The following CSMD1 variants were observed in gnomAD, a reference collection of about 807,000 sequenced individuals.
The protein encoded by CSMD1 is CUB and Sushi multiple domains 1.
Under a neutral mutation model 417.5 loss-of-function variants are expected in CSMD1, and 213 were observed. The ratio of observed to expected loss-of-function variants is 0.51; its 90% CI spans 0.46 to 0.57. CSMD1 has a LOEUF of 0.57. CSMD1 is among the 20% of genes least tolerant of loss of function. CSMD1 has a pLI of 0.00. For missense variants in CSMD1, 6,923 were observed against 4,529.7 expected (o/e 1.53, Z -15.17); for synonymous variants, 2,862 against 1,736.8 (o/e 1.65, Z -16.11).
intron 28 of CSMD1, among the ~76,000 whole-genome samples, chr8:3,223,069 A>G (rs1798307833): frequency 6.6e-6 from 1 of 152,246 alleles, no homozygotes; most frequent in Non-Finnish European, 1.5e-5. Flanking sequence ...TTCAAAAGTC[A>G]AAGTCTAAAG....
intron 8 of CSMD1, among the ~76,000 whole-genome samples, chr8:3,594,437 G>C (rs1365929098): frequency 6.6e-6 from 1 of 151,890 alleles, no homozygotes; most frequent in Non-Finnish European, 1.5e-5. Flanking sequence ...ATGAGTATAT[G>C]TGTTATGGAT....
At chr8:4,435,084 G>C (rs1318496282) in intron 2 of CSMD1, among the ~76,000 whole-genome samples, 1 of 151,984 alleles carries the variant, frequency 6.6e-6, no homozygotes, top group Non-Finnish European at 1.5e-5. Context: ...TAATAAAAAT[G>C]GAAGCCATTA....
At chr8:3,190,967 G>T (rs758151101) in intron 33 of CSMD1, among the ~76,000 whole-genome samples, 7 of 152,176 alleles carry the variant, frequency 4.6e-5, no homozygotes, top group Non-Finnish European at 1.0e-4. Flanking sequence ...GGGGGCTGGG[G>T]AACAGGAAAA....
chr8:4,104,374 C>T (rs375606170), intron 3 of CSMD1, among the ~76,000 whole-genome samples: 1 of 152,194 alleles, frequency 6.6e-6, no homozygotes, highest in African/African-American at 2.4e-5. Context: ...AAAAAATGCA[C>T]AGGGCAGTAC....
intron 1 of CSMD1, among the ~76,000 whole-genome samples, chr8:4,674,565 G>A (rs1044450656): frequency 6.6e-6 from 1 of 152,096 alleles, no homozygotes; most frequent in Non-Finnish European, 1.5e-5. Flanking sequence ...GAACAAAGAT[G>A]TACCACTAAC....
chr8:3,208,326 G>C lies in CSMD1; in HGVS notation c.4868-2706C>G, dbSNP rs563099924. Among the ~76,000 whole-genome samples the C allele has an allele frequency of 3.2e-4, 48 of 152,252 alleles. 1 individual carries two copies. In the South Asian group the frequency reaches 5.4e-3, roughly 17 times the overall value. ...TCTGTCACCAGGCTGGAGTGCAGTG[G>C]TGTGATGTCAGCTCACTGCAACCTC... On this transcript the variant is annotated intron_variant, in intron 30 of 69. Transcript: ENST00000635120.
At chr8:3,632,496 C>A (rs1248323549) in intron 7 of CSMD1, among the ~76,000 whole-genome samples, 1 of 152,038 alleles carries the variant, frequency 6.6e-6, no homozygotes, top group Non-Finnish European at 1.5e-5. Flanking sequence ...ATGATAAAAC[C>A]TTAGATTGTG....
At chr8:4,692,252 G>T (rs1171695031) in intron 1 of CSMD1, among the ~76,000 whole-genome samples, 1 of 152,034 alleles carries the variant, frequency 6.6e-6, no homozygotes, top group Admixed American at 6.6e-5. Flanking sequence ...ACTCCCAACA[G>T]TCAAGTCTTA....
At chr8:3,477,356 G>A (rs770540832) in intron 11 of CSMD1, among the ~76,000 whole-genome samples, 1 of 152,176 alleles carries the variant, frequency 6.6e-6, no homozygotes, top group African/African-American at 2.4e-5. Flanking sequence ...AAACTGAACT[G>A]CTTTGTAGTC....
At chr8:4,555,271 G>A (rs1422234067) in intron 2 of CSMD1, among the ~76,000 whole-genome samples, 2 of 152,122 alleles carry the variant, frequency 1.3e-5, no homozygotes, top group Admixed American at 6.5e-5. Flanking sequence ...TTCGGTCAGG[G>A]AAGATGCCAG....
chr8:4,283,885 C>T (rs1406895152), intron 3 of CSMD1, among the ~76,000 whole-genome samples: 1 of 152,154 alleles, frequency 6.6e-6, no homozygotes, highest in Non-Finnish European at 1.5e-5. Context: ...TTCTCCATGT[C>T]TTATACATAC....
intron 4 of CSMD1, among the ~76,000 whole-genome samples, chr8:4,009,019 A>G (rs144766616): frequency 6.4e-4 from 98 of 152,284 alleles, no homozygotes; most frequent in African/African-American, 2.1e-3. Context: ...CCGAATTTCC[A>G]TCAGAGTAAT....
At chr8:3,102,801 T>C (rs970760889) in intron 46 of CSMD1, among the ~76,000 whole-genome samples, 9 of 152,228 alleles carry the variant, frequency 5.9e-5, no homozygotes, top group Non-Finnish European at 8.8e-5. Context: ...CCAGCGCCTT[T>C]ATACAAAGCC....
chr8:3,562,411 T>C (rs1416184242), intron 10 of CSMD1, among the ~76,000 whole-genome samples: 1 of 139,078 alleles, frequency 7.2e-6, no homozygotes, highest in Non-Finnish European at 1.6e-5. Context: ...TACACACACA[T>C]GCACAAACAC....
intron 3 of CSMD1, among the ~76,000 whole-genome samples, chr8:4,312,470 T>TAA (rs1338386665): frequency 3.4e-5 from 5 of 148,968 alleles, no homozygotes; most frequent in Non-Finnish European, 7.4e-5. Flanking sequence ...TGCGCGTATA[T>TAA]ATATATATAC....
chr8:4,955,650 T>A lies in CSMD1; in HGVS notation c.85+38682A>T, dbSNP rs147890041. 1.0e-3 allele frequency among the ~76,000 whole-genome samples: 157 copies of A among 152,218 alleles called. 3 individuals are homozygous for A. The East Asian group carries it at 0.014, about 14-fold the overall frequency. On this transcript the variant is annotated intron_variant, in intron 1 of 69. Coordinates refer to ENST00000635120, the MANE Select transcript of CSMD1 (RefSeq NM_033225.6). ...TTTGTATTTTTAATAGAGACGGGCT[T>A]TCCCCATATTGGCCAGGCTGGTCTC...
chr8:4,815,651 G>A (rs544487007), intron 1 of CSMD1, among the ~76,000 whole-genome samples: 2 of 133,426 alleles, frequency 1.5e-5, no homozygotes, highest in South Asian at 4.6e-4. Flanking sequence ...AACTGAGGCT[G>A]CACCATTGCA....
At chr8:3,461,608 A>C (rs558310262) in intron 12 of CSMD1, among the ~76,000 whole-genome samples, 4 of 152,332 alleles carry the variant, frequency 2.6e-5, no homozygotes, top group African/African-American at 7.2e-5. Context: ...GAAGGGCCCC[A>C]TGAAACTGTA....
intron 1 of CSMD1, among the ~76,000 whole-genome samples, chr8:4,798,844 C>T (rs1239520140): frequency 6.6e-6 from 1 of 152,138 alleles, no homozygotes; most frequent in Admixed American, 6.5e-5. Flanking sequence ...TTTCATATAA[C>T]CTCTGTATAT....
Sources: allele counts gnomAD v4.1 joint callset (sites outside exome capture counted in the v4.1 genomes callset), GRCh38; gene constraint gnomAD v4.1.1; transcripts MANE v1.5; gene names NCBI Gene and HGNC (gene_info 2026-07-23, HGNC 2026-07-21).